YTHDF2: variants seen among roughly 807,000 people sequenced by gnomAD.
YTHDF2 encodes the protein YTH N6-methyladenosine RNA binding protein F2.
A neutral mutation model predicts 50.4 loss-of-function variants in YTHDF2; 2 were observed. The observed-to-expected ratio is 0.04, with a 90% CI of 0.02 to 0.12. The LOEUF (loss-of-function observed/expected upper bound fraction) is 0.12, where lower values mean the gene tolerates loss of function less well. YTHDF2 is among the 10% of genes least tolerant of loss of function. The probability of loss-of-function intolerance (pLI) is 1.00; values close to 1 mark genes in which losing one functional copy is unlikely to be tolerated. For missense variants in YTHDF2, 483 were observed against 722.6 expected (o/e 0.67, Z 3.80); for synonymous variants, 217 against 255.6 (o/e 0.85, Z 1.44).
At chr1:28,747,580 TCTCA>T (rs1344284154) in intron 4 of YTHDF2, among the ~76,000 whole-genome samples, 4 of 138,006 alleles carry the variant, frequency 2.9e-5, no homozygotes, top group African/African-American at 1.1e-4. Context: ...GAGAGACGAA[TCTCA>T]CTCTGTCGCC....
chr1:28,737,527 A>G (rs1246542876), intron 1 of YTHDF2, 131 bp from the exon 2 acceptor site: 13 of 1,258,348 alleles, frequency 1.0e-5, no homozygotes, highest in Admixed American at 4.7e-5. Flanking sequence ...CCTCTTCCTC[A>G]CTACCATTCC....
chr1:28,745,823 T>G (rs2087850956), intron 4 of YTHDF2, among the ~76,000 whole-genome samples: 2 of 146,112 alleles, frequency 1.4e-5, no homozygotes, highest in African/African-American at 5.1e-5. Flanking sequence ...GAGGATTGCC[T>G]GGGCCTAGGA....
At chr1:28,763,321 T>C (rs192835234) in intron 4 of YTHDF2, among the ~76,000 whole-genome samples, 1 of 152,184 alleles carries the variant, frequency 6.6e-6, no homozygotes, top group African/African-American at 2.4e-5. Context: ...TTGCCCAGGC[T>C]GGAGTGAAGT....
chr1:28,769,704 T>C lies in YTHDF2; in HGVS notation c.*752T>C, dbSNP rs1478531415. ...TTTCTTCAGTTTCTTGTTCAGCCAA[T>C]GAGGAAAGGGCATTGCCTTTCTTTT... On this transcript the variant is annotated 3_prime_UTR_variant, in exon 5 of 5. Coordinates refer to ENST00000373812, the MANE Select transcript of YTHDF2 (RefSeq NM_016258.3). The C allele has an allele frequency of 2.0e-5, 3 of 152,664 alleles. No homozygotes were observed. Among genetic ancestry groups the C allele is most frequent in the African/African-American group, 4.8e-5 (2 of 41,468 alleles). The allele number at this position is 152,664 out of a possible 1,614,324, so 9.5% of individuals were successfully genotyped here. A position where few individuals can be genotyped will look rare whatever the true frequency, so the allele number is the denominator to read the frequency against.
At chr1:28,768,337 T>G (rs552074311) in intron 4 of YTHDF2, among the ~76,000 whole-genome samples, 1 of 151,868 alleles carries the variant, frequency 6.6e-6, no homozygotes, top group African/African-American at 2.4e-5. Context: ...AGGGAAAACA[T>G]AAGTATTGTA....
intron 4 of YTHDF2, among the ~76,000 whole-genome samples, chr1:28,751,255 C>CA (rs892236865): frequency 8.6e-5 from 13 of 151,808 alleles, no homozygotes; most frequent in South Asian, 2.1e-4. Context: ...GAGACTGTCT[C>CA]AAAAAAAATT....
chr1:28,739,621 T>C (rs575485881), intron 3 of YTHDF2, among the ~76,000 whole-genome samples: 34 of 152,228 alleles, frequency 2.2e-4, no homozygotes, highest in African/African-American at 8.2e-4. Flanking sequence ...ATTTTTGAGT[T>C]GAGCTGCACC....
intron 3 of YTHDF2, chr1:28,739,300 G>A (rs892312858): frequency 2.0e-5 from 3 of 151,566 alleles, no homozygotes; most frequent in Non-Finnish European, 2.9e-5. Flanking sequence ...GAACTATTTC[G>A]GAGTTAGGAA....
chr1:28,744,299 A>G (rs2087826369), intron 4 of YTHDF2, among the ~76,000 whole-genome samples: 1 of 152,230 alleles, frequency 6.6e-6, no homozygotes. Context: ...GGGTAATGGA[A>G]GTGATAAAAC....
intron 4 of YTHDF2, among the ~76,000 whole-genome samples, chr1:28,764,643 G>A (rs2088190278): frequency 2.1e-5 from 3 of 146,126 alleles, no homozygotes; most frequent in Non-Finnish European, 4.5e-5. Context: ...TCCTGACCTC[G>A]TGATCCACCC....
chr1:28,749,986 G>GTTTTTTTTTTTTTTTTTT (rs371730633), intron 4 of YTHDF2, among the ~76,000 whole-genome samples: 1 of 78,332 alleles, frequency 1.3e-5, no homozygotes. Context: ...AAAAAAGGTT[G>GTTTTTTTTTTTTTTTTTT]TTTTTTTTTT....
intron 4 of YTHDF2, among the ~76,000 whole-genome samples, chr1:28,759,696 C>T (rs1278954710): frequency 6.6e-6 from 1 of 152,218 alleles, no homozygotes; most frequent in Non-Finnish European, 1.5e-5. Flanking sequence ...TGGTGCACGC[C>T]TGTAATCCCA....
At chr1:28,765,700 G>A (rs936571657) in intron 4 of YTHDF2, among the ~76,000 whole-genome samples, 1 of 152,134 alleles carries the variant, frequency 6.6e-6, no homozygotes, top group Non-Finnish European at 1.5e-5. Flanking sequence ...CACGTCCCCT[G>A]CCTCAGCCTT....
chr1:28,766,364 G>C (rs1275676462), intron 4 of YTHDF2, among the ~76,000 whole-genome samples: 1 of 152,096 alleles, frequency 6.6e-6, no homozygotes, highest in African/African-American at 2.4e-5. Context: ...CTATCTGCCA[G>C]CTTCCGCCTC....
chr1:28,739,621 T>A (rs575485881), intron 3 of YTHDF2, among the ~76,000 whole-genome samples: 1 of 152,110 alleles, frequency 6.6e-6, no homozygotes, highest in South Asian at 2.1e-4. Flanking sequence ...ATTTTTGAGT[T>A]GAGCTGCACC....
At chr1:28,739,791 ATG>A in intron 3 of YTHDF2, among the ~76,000 whole-genome samples, 1 of 152,320 alleles carries the variant, frequency 6.6e-6, no homozygotes, top group East Asian at 1.9e-4. Flanking sequence ...AAATACTAAT[ATG>A]ACCTGTGCAT....
chr1:28,743,665 A>G lies in YTHDF2; in HGVS notation c.1395A>G (p.Gly465=), dbSNP rs773405083. The change falls in exon 4 of 5, where the codon GGA becomes GGG. Residue 465 remains glycine (G), a synonymous_variant. Coordinates refer to ENST00000373812, the MANE Select transcript of YTHDF2 (RefSeq NM_016258.3). This position sits in a 1 kb window ranked among gnomAD's most constrained non-coding sequence, Gnocchi z 6.9. The part of the protein sequence containing the change: ...VYLLFSVNGS[G]HFCGVAEMKS... ...TACTTTTCAGTGTCAACGGCAGTGG[A>G]CACTTCTGTGGCGTGGCAGAAATGA... The G allele has an allele frequency of 6.2e-7, 1 of 1,614,208 alleles. No individual in the cohort carries two copies. Among genetic ancestry groups the G allele is most frequent in the South Asian group, 1.1e-5 (1 of 91,082 alleles).
chr1:28,748,189 T>C (rs1172705456), intron 4 of YTHDF2, among the ~76,000 whole-genome samples: 1 of 152,170 alleles, frequency 6.6e-6, no homozygotes, highest in Non-Finnish European at 1.5e-5. Flanking sequence ...TGATTGCTTC[T>C]AAGCCCAGTT....
At chr1:28,764,828 T>C (rs535150655) in intron 4 of YTHDF2, among the ~76,000 whole-genome samples, 4 of 151,828 alleles carry the variant, frequency 2.6e-5, no homozygotes, top group Admixed American at 6.6e-5. Context: ...ACTCGGGTGA[T>C]CCACCGTGCC....
Sources: allele counts gnomAD v4.1 joint callset (sites outside exome capture counted in the v4.1 genomes callset), GRCh38; gene constraint gnomAD v4.1.1; non-coding constraint Gnocchi (gnomAD v3.1); transcripts MANE v1.5; gene names NCBI Gene and HGNC (gene_info 2026-07-23, HGNC 2026-07-21).